Variants in ERBIN observed in about 807,000 individuals in gnomAD.
ERBIN encodes densin-180-like protein.
A neutral mutation model predicts 158.4 loss-of-function variants in ERBIN; 60 were observed. The observed-to-expected ratio is 0.38, with a 90% CI of 0.31 to 0.47. ERBIN has a LOEUF of 0.47. Ranked by LOEUF, ERBIN falls within the 20% of genes least tolerant of loss-of-function variation. The pLI, the probability that ERBIN is intolerant of heterozygous loss-of-function variation, is 0.99. For synonymous variants in ERBIN, 594 were observed against 557.2 expected (o/e 1.07, Z -0.93); for missense variants, 1,610 against 1,648.0 (o/e 0.98, Z 0.40).
intron 1 of ERBIN, among the ~76,000 whole-genome samples, chr5:65,948,762 G>GTT (rs59712256): frequency 0.059 from 6,206 of 105,506 alleles, 1,067 homozygotes; most frequent in African/African-American, 0.19. Context: ...TCTGTTTTGC[G>GTT]TTTTTTTTTT....
At position 66,075,256 on chromosome 5, in the gene ERBIN, A is replaced by T. The variant is rs780399595; in HGVS notation, c.3963+26A>T. The T allele has an allele frequency of 4.5e-6, 7 of 1,560,158 alleles. No homozygotes were observed. In the Admixed American group the frequency reaches 1.2e-4, roughly 26 times the overall value. On this transcript the variant is annotated intron_variant, in intron 23 of 25. Transcript: ENST00000284037. Reference sequence around the variant, plus strand: ...GTAAGAATAATCAAGACTATTTGAAATATGGGACTAAGCTTTTTATGTATT... The same window carrying T: ...GTAAGAATAATCAAGACTATTTGAATTATGGGACTAAGCTTTTTATGTATT...
rs191685693 is a variant in ERBIN, at chr5:66,008,280, G to A, written c.308-3769G>A. Among the ~76,000 whole-genome samples the A allele has an allele frequency of 1.3e-3, 197 of 152,200 alleles. 1 individual carries two copies. Among genetic ancestry groups the A allele is most frequent in the Admixed American group, 3.4e-3 (52 of 15,294 alleles). Reference sequence around the variant, plus strand: ...CCCTAATATAAAAAATTAGCCGGGCGTGGTGGCGGGCGCCTATAGTCCCAG... The same window carrying A: ...CCCTAATATAAAAAATTAGCCGGGCATGGTGGCGGGCGCCTATAGTCCCAG... On this transcript the variant is annotated intron_variant, in intron 4 of 25. Transcript: ENST00000284037.
chr5:66,053,482 G>T lies in ERBIN; in HGVS notation c.2164G>T (p.Ala722Ser). ...CAGTTCAACAGAGGAAAAGTTCAAA[G>T]CTCATGATAAAAAAGATTTTAACTT... ...LNSSTEEKFK[A>S]HDKKDFNLPE... Residue 722 changes from alanine (A) to serine (S), a missense_variant, in exon 21 of 26, where the codon GCT (alanine) becomes TCT (serine). Physicochemically the swap from Ala to Ser is moderately conservative, Grantham distance 99. Around this residue, in one of 2 missense-constraint regions of ERBIN, gnomAD observed 1,014 missense variants for 936.1 expected, o/e 1.08. Transcript: ENST00000284037. 6.2e-7 allele frequency: 1 copy of T among 1,605,658 alleles called. No individual in the cohort carries two copies. The highest frequency in any genetic ancestry group is 8.5e-7 in the Non-Finnish European group (1 of 1,177,492).
chr5:65,936,831 C>T (rs1010747837), intron 1 of ERBIN, among the ~76,000 whole-genome samples: 5 of 152,126 alleles, frequency 3.3e-5, no homozygotes, highest in Non-Finnish European at 5.9e-5. Context: ...AGATATACTC[C>T]GGTATGTGTA....
intron 21 of ERBIN, among the ~76,000 whole-genome samples, chr5:66,059,707 G>A (rs1265869600): frequency 2.0e-5 from 3 of 152,126 alleles, no homozygotes; most frequent in African/African-American, 2.4e-5. Flanking sequence ...TTTGAGATAC[G>A]TCCCATCAGT....
intron 1 of ERBIN, among the ~76,000 whole-genome samples, chr5:65,939,570 CT>C (rs1252059761): frequency 5.3e-5 from 8 of 151,962 alleles, no homozygotes; most frequent in Non-Finnish European, 1.0e-4. Flanking sequence ...CTCTCCCTCT[CT>C]TTCCACGGTC....
chr5:65,991,599 GATTTTTAA>G (rs1158109011), intron 2 of ERBIN, among the ~76,000 whole-genome samples: 1 of 151,950 alleles, frequency 6.6e-6, no homozygotes, highest in Non-Finnish European at 1.5e-5. Flanking sequence ...TTTAAAAGTC[GATTTTTAA>G]ACTTTTATTT....
At chr5:66,022,122 C>G (rs1267352041) in intron 8 of ERBIN, among the ~76,000 whole-genome samples, 1 of 151,916 alleles carries the variant, frequency 6.6e-6, no homozygotes, top group African/African-American at 2.4e-5. Flanking sequence ...TAGTATTGCC[C>G]TGTGGGTATT....
chr5:66,054,532 A>G lies in ERBIN; in HGVS notation c.3214A>G (p.Ser1072Gly). The G allele has an allele frequency of 3.7e-6, 6 of 1,614,224 alleles. No individual in the cohort carries two copies. The highest frequency in any genetic ancestry group is 5.1e-6 in the Non-Finnish European group (6 of 1,180,028). ...NDRLIPAVTRSTIQRQSSVSS... is the reference protein window; with the variant it reads ...NDRLIPAVTRGTIQRQSSVSS... ...CCGACTTATTCCTGCAGTAACTCGA[A>G]GTACAATCCAGCGACAAAGTAGTGT... The change falls in exon 21 of 26, where the codon AGT becomes GGT. Residue 1072 changes from serine to glycine, a missense_variant. Transcript: ENST00000284037.
At chr5:65,962,697 G>A (rs1178071832) in intron 1 of ERBIN, among the ~76,000 whole-genome samples, 2 of 152,022 alleles carry the variant, frequency 1.3e-5, no homozygotes, top group South Asian at 4.2e-4. Flanking sequence ...TCATCCTGAG[G>A]TTAGAAAGAT....
rs573607249 is a variant in ERBIN at position 65,970,746 on chromosome 5, G to A, written c.-57-17889G>A. Among the ~76,000 whole-genome samples, 156 of 152,202 alleles carry A rather than the reference G, an allele frequency of 1.0e-3. 1 individual carries two copies. The highest frequency in any genetic ancestry group is 3.4e-3 in the African/African-American group (140 of 41,536). On this transcript the variant is annotated intron_variant, in intron 1 of 25. Coordinates refer to ENST00000284037, the MANE Select transcript of ERBIN (RefSeq NM_001253697.2). ...TGGGGCTACAGACGTACACCAGCAT[G>A]CCTGGCTAATTTTATTTTTATTTTT...
chr5:65,965,094 A>G (rs1748413266), intron 1 of ERBIN, among the ~76,000 whole-genome samples: 1 of 151,402 alleles, frequency 6.6e-6, no homozygotes, highest in African/African-American at 2.4e-5. Context: ...CCTGGCCAGA[A>G]CAATCTTTTA....
intron 4 of ERBIN, among the ~76,000 whole-genome samples, chr5:65,999,618 G>GCCCC (rs2151070575): frequency 6.6e-6 from 1 of 152,276 alleles, no homozygotes; most frequent in Admixed American, 6.5e-5. Context: ...ACAGCATTTA[G>GCCCC]TTGTTGTGTC....
At chr5:66,008,534 A>G (rs1437096566) in intron 4 of ERBIN, among the ~76,000 whole-genome samples, 1 of 152,214 alleles carries the variant, frequency 6.6e-6, no homozygotes, top group Non-Finnish European at 1.5e-5. Context: ...ATTAAACACA[A>G]TATTTGTAAT....
intron 2 of ERBIN, among the ~76,000 whole-genome samples, chr5:65,991,133 T>C (rs189037087): frequency 1.3e-5 from 2 of 152,282 alleles, no homozygotes; most frequent in African/African-American, 4.8e-5. Context: ...TATCATATAA[T>C]ATGAAGTAGA....
At chr5:65,994,931 A>C (rs1752258557) in intron 4 of ERBIN, 67 bp downstream of exon 4, 1 of 905,436 alleles carries the variant, frequency 1.1e-6, no homozygotes, top group Non-Finnish European at 1.7e-6. Flanking sequence ...ATTTCTATTG[A>C]GTTTTCAAAA....
intron 24 of ERBIN, 49 bp from the exon 25 acceptor site, chr5:66,076,826 T>C: frequency 7.2e-7 from 1 of 1,390,572 alleles, no homozygotes; most frequent in Non-Finnish European, 1.0e-6. Flanking sequence ...TGGTACTCTG[T>C]TATTTATACA....
intron 7 of ERBIN, among the ~76,000 whole-genome samples, chr5:66,020,588 T>G (rs969828947): frequency 1.3e-5 from 2 of 151,838 alleles, no homozygotes; most frequent in Non-Finnish European, 2.9e-5. Context: ...CACTTAAGAG[T>G]GTAAATATTT....
At chr5:66,076,534 C>A in intron 24 of ERBIN, 126 bp downstream of exon 24, 1 of 751,234 alleles carries the variant, frequency 1.3e-6, no homozygotes, top group Non-Finnish European at 2.2e-6. Context: ...GGATTCCCCA[C>A]TCTATTGCTT....
Sources: allele counts gnomAD v4.1 joint callset (sites outside exome capture counted in the v4.1 genomes callset), GRCh38; gene constraint gnomAD v4.1.1; regional missense constraint gnomAD v4.1.1; transcripts MANE v1.5; gene names NCBI Gene and HGNC (gene_info 2026-07-23, HGNC 2026-07-21).